The following SPTBN1 variants were observed in gnomAD, a reference collection of about 807,000 sequenced individuals.
SPTBN1 encodes the protein spectrin beta chain, non-erythrocytic 1.
In SPTBN1, 32 loss-of-function variants were observed where a neutral mutation model predicts 266.4. The ratio of observed to expected loss-of-function variants is 0.12; its 90% CI spans 0.09 to 0.16. The LOEUF (loss-of-function observed/expected upper bound fraction) is 0.16. SPTBN1 is among the 10% of genes least tolerant of loss of function. The pLI, the probability that SPTBN1 is intolerant of heterozygous loss-of-function variation, is 1.00. For synonymous variants in SPTBN1, 1,336 were observed against 1,162.2 expected, an observed-to-expected ratio of 1.15 and a Z score of -3.04; for missense variants, 2,296 against 3,067.1, an observed-to-expected ratio of 0.75 and a Z score of 5.94.
intron 2 of SPTBN1, among the ~76,000 whole-genome samples, chr2:54,530,707 A>G (rs1671183049): frequency 6.6e-6 from 1 of 151,942 alleles, no homozygotes; most frequent in Non-Finnish European, 1.5e-5. Context: ...CATCTTATTC[A>G]CCCTCAGGAA....
intron 27 of SPTBN1, 116 bp from the exon 28 acceptor site, chr2:54,654,953 GA>G (rs1680550348): frequency 1.5e-6 from 2 of 1,325,736 alleles, no homozygotes; most frequent in Admixed American, 5.2e-5. Context: ...AGACCTGAAA[GA>G]CCATCAGTTT....
chr2:54,652,346 ATAT>A (rs966172130), intron 26 of SPTBN1, among the ~76,000 whole-genome samples: 22 of 152,216 alleles, frequency 1.4e-4, no homozygotes, highest in African/African-American at 5.1e-4. Context: ...CAGAAGAAAA[ATAT>A]TATGCACGTT....
rs4233951 is a variant in SPTBN1, at chr2:54,491,800, C to T, written c.-47-34572C>T. Among the ~76,000 whole-genome samples the T allele has an allele frequency of 4.0e-3, 606 of 152,194 alleles. 9 individuals carry two copies. Among genetic ancestry groups the T allele is most frequent in the Admixed American group, 0.025 (376 of 15,278 alleles). On this transcript the variant is annotated intron_variant, in intron 1 of 35. Coordinates refer to ENST00000356805, the MANE Select transcript of SPTBN1 (RefSeq NM_003128.3). The stretch of plus-strand genomic sequence containing the variant: ...TTTTTTGGTAGAGACGAGGTCTCGC[C>T]GTGTTGCCCAGGCTGGTCTTGAACT...
chr2:54,488,612 A>C (rs2069073), intron 1 of SPTBN1, among the ~76,000 whole-genome samples: 6,711 of 152,136 alleles, frequency 0.044, 222 homozygotes, highest in South Asian at 0.11. Context: ...CTCAGATTTC[A>C]GTGTTGTGCA....
intron 2 of SPTBN1, among the ~76,000 whole-genome samples, chr2:54,596,905 T>A (rs1360384957): frequency 1.3e-5 from 2 of 152,198 alleles, no homozygotes; most frequent in Non-Finnish European, 2.9e-5. Flanking sequence ...TGACTGTTGT[T>A]TCTGGCAAAT....
intron 3 of SPTBN1, among the ~76,000 whole-genome samples, chr2:54,608,161 A>C (rs1336929217): frequency 6.6e-6 from 1 of 152,232 alleles, no homozygotes; most frequent in Non-Finnish European, 1.5e-5. Flanking sequence ...TTCACTGTGC[A>C]CATAACTCTG....
rs563508619 is a variant in SPTBN1 at position 54,550,695 on chromosome 2, A to T, written c.148+24129A>T. 1.3e-4 allele frequency among the ~76,000 whole-genome samples: 20 copies of T among 152,358 alleles called. No individual in the cohort carries two copies. The East Asian group carries it at 3.7e-3, about 28-fold the overall frequency. On this transcript the variant is annotated intron_variant, in intron 2 of 35. Transcript: ENST00000356805. The stretch of plus-strand genomic sequence containing the variant: ...ATTTAGAATGGTACTTACTGTAACT[A>T]TCAATAGCTGTTACTGTCACTAACC...
rs758901721 is a variant in SPTBN1, at chr2:54,599,187, C to A, written c.244C>A (p.Leu82Ile). ...CCGGATCACAGACCTGTACACTGAC[C>A]TTCGAGATGGACGGATGCTCATCAA... The part of the protein sequence containing the change: ...SCRITDLYTD[L>I]RDGRMLIKLL... Residue 82 changes from leucine (L) to isoleucine (I), a missense_variant, in exon 3 of 36, where the codon CTT becomes ATT. This residue lies in a region of SPTBN1 where 178 missense variants were observed against 375.7 expected (regional missense o/e 0.47). Transcript: ENST00000356805. 1.4e-5 allele frequency: 22 copies of A among 1,614,206 alleles called. No individual in the cohort carries two copies. Among genetic ancestry groups the A allele is most frequent in the Non-Finnish European group, 1.7e-5 (20 of 1,180,040 alleles).
At chr2:54,462,033 A>C (rs1693393126) in intron 1 of SPTBN1, among the ~76,000 whole-genome samples, 1 of 152,232 alleles carries the variant, frequency 6.6e-6, no homozygotes, top group South Asian at 2.1e-4. Context: ...CCAAATCCTA[A>C]TGGTGTTGTA....
intron 8 of SPTBN1, 143 bp from the exon 9 acceptor site, chr2:54,622,157 C>T (rs1289058305): frequency 6.7e-6 from 5 of 745,968 alleles, no homozygotes; most frequent in Admixed American, 5.9e-5. Context: ...ATGCTTGTGC[C>T]CAGGTACAGC....
Position 54,631,622 on chromosome 2 carries a change from T to C in SPTBN1, c.3564+11T>C. The C allele has an allele frequency of 6.2e-7, 1 of 1,600,752 alleles. No individual in the cohort carries two copies. Among genetic ancestry groups the C allele is most frequent in the Non-Finnish European group, 8.5e-7 (1 of 1,172,488 alleles). ...TTTCTTAACAACCAGGTAAGGTTTG[T>C]TCCTGCCTTTGCTTCCTTTCGGTGA... is the stretch of plus-strand genomic sequence containing the variant. On this transcript the variant is annotated intron_variant, in intron 16 of 35. Coordinates refer to ENST00000356805, the MANE Select transcript of SPTBN1 (RefSeq NM_003128.3).
chr2:54,564,516 C>T (rs548635060), intron 2 of SPTBN1, among the ~76,000 whole-genome samples: 2 of 152,338 alleles, frequency 1.3e-5, no homozygotes, highest in East Asian at 3.9e-4. Context: ...GCAAACATGT[C>T]TGGGATTCAT....
At chr2:54,469,381 G>T (rs988730789) in intron 1 of SPTBN1, among the ~76,000 whole-genome samples, 12 of 152,122 alleles carry the variant, frequency 7.9e-5, no homozygotes, top group Admixed American at 2.6e-4. Context: ...TTCTTCTGGG[G>T]TTTAAACACT....
Position 54,664,735 on chromosome 2 carries a change from T to A in SPTBN1, c.6659+44T>A, listed in dbSNP as rs779301312. 2 of 1,593,234 alleles carry A rather than the reference T, an allele frequency of 1.3e-6. No homozygotes were observed. Among genetic ancestry groups the A allele is most frequent in the Non-Finnish European group, 1.7e-6 (2 of 1,163,642 alleles). On this transcript the variant is annotated intron_variant, in intron 33 of 35. Transcript: ENST00000356805. This position sits in a 1 kb window ranked among gnomAD's most constrained non-coding sequence, Gnocchi z 5.6. Reference sequence around the variant, plus strand: ...GCCACAGTAAGATGGGAAGTCAGCCTGTGAAGGGATAAGGCGGGCCACTCT... The same window carrying A: ...GCCACAGTAAGATGGGAAGTCAGCCAGTGAAGGGATAAGGCGGGCCACTCT...
chr2:54,562,675 C>A (rs946195118), intron 2 of SPTBN1, among the ~76,000 whole-genome samples: 1 of 149,394 alleles, frequency 6.7e-6, no homozygotes, highest in African/African-American at 2.5e-5. Context: ...GGACTACAGG[C>A]ACTTGCCACC....
intron 10 of SPTBN1, among the ~76,000 whole-genome samples, chr2:54,623,942 G>C (rs1678157797): frequency 6.6e-6 from 1 of 152,218 alleles, no homozygotes; most frequent in Admixed American, 6.5e-5. Flanking sequence ...TATTTCATGT[G>C]TTTCATAGTA....
chr2:54,601,504 G>T (rs1676496849), intron 3 of SPTBN1, among the ~76,000 whole-genome samples: 1 of 152,170 alleles, frequency 6.6e-6, no homozygotes. Flanking sequence ...AAGGTTCCTT[G>T]CATATTCAGA....
intron 3 of SPTBN1, among the ~76,000 whole-genome samples, chr2:54,604,102 T>C (rs1460797924): frequency 6.6e-6 from 1 of 152,196 alleles, no homozygotes; most frequent in Non-Finnish European, 1.5e-5. Context: ...TTATGGCAGA[T>C]CTAGGCCTCA....
intron 16 of SPTBN1, 108 bp downstream of exon 16, chr2:54,631,719 T>TCCATATAATTCC: frequency 7.2e-7 from 1 of 1,383,180 alleles, no homozygotes; most frequent in Non-Finnish European, 9.7e-7. Context: ...TATGGAATTA[T>TCCATATAATTCC]ATGGATAATT....
Sources: allele counts gnomAD v4.1 joint callset (sites outside exome capture counted in the v4.1 genomes callset), GRCh38; gene constraint gnomAD v4.1.1; regional missense constraint gnomAD v4.1.1; non-coding constraint Gnocchi (gnomAD v3.1); transcripts MANE v1.5; gene names NCBI Gene and HGNC (gene_info 2026-07-23, HGNC 2026-07-21).